The following EPHA6 variants were observed in gnomAD, a reference collection of about 807,000 sequenced individuals.
The protein encoded by EPHA6 is ephrin type-A receptor 6.
Under a neutral mutation model 112.0 loss-of-function variants are expected in EPHA6, and 50 were observed. That is an observed-to-expected ratio of 0.45 (90% CI 0.36 to 0.56). EPHA6 has a LOEUF of 0.56. EPHA6 is among the 20% of genes least tolerant of loss of function. The probability of loss-of-function intolerance (pLI) is 0.00; values close to 1 mark genes in which losing one functional copy is unlikely to be tolerated. For synonymous variants in EPHA6, 529 were observed against 490.7 expected, an observed-to-expected ratio of 1.08 and a Z score of -1.03; for missense variants, 1,280 against 1,417.4, an observed-to-expected ratio of 0.90 and a Z score of 1.56.
chr3:97,407,786 C>T (rs2107086815), intron 6 of EPHA6, among the ~76,000 whole-genome samples: 1 of 151,932 alleles, frequency 6.6e-6, no homozygotes, highest in Non-Finnish European at 1.5e-5. Flanking sequence ...TCCAGTAGAG[C>T]CCATTCTTAT....
At chr3:97,211,549 T>A (rs2077876086) in intron 3 of EPHA6, among the ~76,000 whole-genome samples, 1 of 152,184 alleles carries the variant, frequency 6.6e-6, no homozygotes, top group Non-Finnish European at 1.5e-5. Flanking sequence ...CAGATGGCTA[T>A]CTTCTGCTGT....
At chr3:97,597,116 G>A (rs1440078846) in intron 12 of EPHA6, among the ~76,000 whole-genome samples, 1 of 151,802 alleles carries the variant, frequency 6.6e-6, no homozygotes, top group Non-Finnish European at 1.5e-5. Context: ...GACAAGCTGT[G>A]AGGGAATAAA....
intron 12 of EPHA6, chr3:97,606,220 C>T (rs539092339): frequency 2.0e-5 from 3 of 151,240 alleles, no homozygotes; most frequent in Non-Finnish European, 4.4e-5. Context: ...CGATATGTCT[C>T]CAGAACTCAG....
intron 2 of EPHA6, among the ~76,000 whole-genome samples, chr3:96,896,269 A>T (rs1404687208): frequency 3.9e-5 from 6 of 152,114 alleles, no homozygotes; most frequent in Non-Finnish European, 8.8e-5. Flanking sequence ...CTACATAGGG[A>T]TGTAATTTTC....
chr3:97,143,229 A>G (rs564495338), intron 3 of EPHA6, among the ~76,000 whole-genome samples: 64 of 151,760 alleles, frequency 4.2e-4, no homozygotes, highest in African/African-American at 1.3e-3. Flanking sequence ...GATCTCTACA[A>G]TGTTCACTGT....
intron 16 of EPHA6, among the ~76,000 whole-genome samples, chr3:97,746,247 G>A (rs1016836032): frequency 6.6e-6 from 1 of 151,422 alleles, no homozygotes; most frequent in Non-Finnish European, 1.5e-5. Flanking sequence ...ACAACATATC[G>A]ATTTCACTCA....
At chr3:97,367,203 C>G (rs747255371) in intron 5 of EPHA6, among the ~76,000 whole-genome samples, 12 of 152,136 alleles carry the variant, frequency 7.9e-5, no homozygotes, top group Admixed American at 2.0e-4. Flanking sequence ...ACATACACTA[C>G]AGTAATACAG....
At chr3:97,000,870 C>T (rs1177866221) in intron 3 of EPHA6, among the ~76,000 whole-genome samples, 1 of 150,892 alleles carries the variant, frequency 6.6e-6, no homozygotes, top group Non-Finnish European at 1.5e-5. Flanking sequence ...AGATTTTTAG[C>T]TGTGTCTTAT....
chr3:97,011,058 G>T (rs1266946035), intron 3 of EPHA6, among the ~76,000 whole-genome samples: 1 of 152,118 alleles, frequency 6.6e-6, no homozygotes. Flanking sequence ...AGGTTTGGAT[G>T]CATGCCACCT....
chr3:97,731,503 G>A (rs1388609967), intron 15 of EPHA6, among the ~76,000 whole-genome samples: 1 of 151,990 alleles, frequency 6.6e-6, no homozygotes, highest in Non-Finnish European at 1.5e-5. Context: ...GCGTCAAGAT[G>A]TGGTGCAAGA....
In EPHA6 at chr3:97,244,378, A is replaced by G. The variant is rs1012722858; in HGVS notation, c.1606+91A>G. 9.2e-6 allele frequency: 10 copies of G among 1,087,582 alleles called. 1 individual carries two copies. Among genetic ancestry groups the G allele is most frequent in the South Asian group, 2.8e-5 (2 of 72,482 alleles). 67.4% of individuals were successfully genotyped at this position (1,087,582 alleles called of 1,614,324 possible). ...TGGGCATGTATTTATTGCAGGTGCT[A>G]TGCAGTCATATACGTTATACACTGC... On this transcript the variant is annotated intron_variant, in intron 5 of 17. Transcript: ENST00000389672.
chr3:97,360,252 C>G (rs148898962), intron 5 of EPHA6, among the ~76,000 whole-genome samples: 1 of 152,286 alleles, frequency 6.6e-6, no homozygotes, highest in East Asian at 1.9e-4. Flanking sequence ...TTCAATTTAT[C>G]ATCTAAACCT....
At chr3:97,323,680 G>T (rs928510356) in intron 5 of EPHA6, among the ~76,000 whole-genome samples, 22 of 151,894 alleles carry the variant, frequency 1.4e-4, no homozygotes, top group African/African-American at 5.1e-4. Flanking sequence ...AAAATTTGAG[G>T]TCTGATAAAA....
intron 5 of EPHA6, among the ~76,000 whole-genome samples, chr3:97,254,383 T>G (rs567109511): frequency 6.6e-6 from 1 of 152,170 alleles, no homozygotes; most frequent in South Asian, 2.1e-4. Context: ...AGAGACGGGG[T>G]TTCACCATGT....
intron 5 of EPHA6, among the ~76,000 whole-genome samples, chr3:97,339,585 C>T (rs1197253862): frequency 6.6e-6 from 1 of 152,148 alleles, no homozygotes; most frequent in Non-Finnish European, 1.5e-5. Context: ...TCACCCCAGG[C>T]AAGTTACCTT....
intron 7 of EPHA6, among the ~76,000 whole-genome samples, chr3:97,459,580 G>C (rs2090816886): frequency 6.6e-6 from 1 of 152,158 alleles, no homozygotes; most frequent in Non-Finnish European, 1.5e-5. Flanking sequence ...TCTTCCAGCT[G>C]TATGTAGTTT....
At chr3:96,982,308 A>T (rs868054703) in intron 2 of EPHA6, among the ~76,000 whole-genome samples, 1 of 152,058 alleles carries the variant, frequency 6.6e-6, no homozygotes, top group East Asian at 1.9e-4. Context: ...TCATTTTGTT[A>T]TGTACTCAGT....
intron 1 of EPHA6, among the ~76,000 whole-genome samples, chr3:96,865,783 G>T (rs1421195438): frequency 6.7e-6 from 1 of 148,832 alleles, no homozygotes; most frequent in Non-Finnish European, 1.5e-5. Context: ...CCAAAGCATT[G>T]TTTCTCAGAG....
intron 9 of EPHA6, among the ~76,000 whole-genome samples, chr3:97,483,498 A>T (rs575099433): frequency 2.6e-5 from 4 of 152,344 alleles, no homozygotes; most frequent in Non-Finnish European, 5.9e-5. Context: ...CCACAGGAAT[A>T]GGGCATGAGT....
Sources: gnomAD v4.1 joint callset for allele counts (sites outside exome capture counted in the v4.1 genomes callset) on GRCh38, gnomAD v4.1.1 for gene constraint, MANE v1.5 for transcripts, NCBI Gene and HGNC (gene_info 2026-07-23, HGNC 2026-07-21) for gene names.